The following FKBP15 variants were observed in gnomAD, a reference collection of about 807,000 sequenced individuals.
The protein encoded by FKBP15 is FKBP prolyl isomerase family member 15.
FKBP15 carries 106 observed loss-of-function variants against 158.1 expected under a neutral mutation model. The observed-to-expected ratio is 0.67, with a 90% CI of 0.57 to 0.79. FKBP15 has a LOEUF of 0.79. Among genes scored for constraint, FKBP15 ranks in the 30% least tolerant of loss-of-function variants. The pLI, the probability that FKBP15 is intolerant of heterozygous loss-of-function variation, is 0.00. For synonymous variants in FKBP15, 547 were observed against 548.6 expected, an observed-to-expected ratio of 1.00 and a Z score of 0.04; for missense variants, 1,287 against 1,479.1, an observed-to-expected ratio of 0.87 and a Z score of 2.13.
intron 1 of FKBP15, among the ~76,000 whole-genome samples, chr9:113,220,013 C>A (rs1434944779): frequency 6.6e-6 from 1 of 152,132 alleles, no homozygotes; most frequent in Non-Finnish European, 1.5e-5. Context: ...TACTTAAGGA[C>A]AAAAGAAGGC....
Position 113,182,878 on chromosome 9 carries a change from A to G in FKBP15, c.1812-10T>C, listed in dbSNP as rs760472093. ...ACTCTGCTCAACATACCTGTGAAAGAAATAGAGAAAAAGAAAACATTTATC... is the reference window on the plus strand; with the variant it reads ...ACTCTGCTCAACATACCTGTGAAAGGAATAGAGAAAAAGAAAACATTTATC... On this transcript the variant is annotated splice_polypyrimidine_tract_variant and intron_variant, in intron 18 of 27. Transcript: ENST00000238256. 4 of 1,607,770 alleles carry G rather than the reference A, an allele frequency of 2.5e-6. No individual in the cohort carries two copies. In the African/African-American group the frequency reaches 5.3e-5, roughly 21 times the overall value.
rs1036317564 is a variant in FKBP15 at position 113,163,059 on chromosome 9, A to C, written c.*3019T>G. 1.9e-5 allele frequency: 15 copies of C among 780,388 alleles called. No homozygotes were observed. The highest frequency in any genetic ancestry group is 2.9e-5 in the Non-Finnish European group (15 of 523,316). 48.3% of individuals were successfully genotyped at this position (780,388 alleles called of 1,614,324 possible). A position where few individuals can be genotyped will look rare whatever the true frequency, so the allele number is the denominator to read the frequency against. On this transcript the variant is annotated 3_prime_UTR_variant, in exon 28 of 28. Transcript: ENST00000238256. ...CTGGAAACTTTGAGCTGAAGCCAGC[A>C]CTTGCTCCCTGGAGTTCGGAAGCCA...
At chr9:113,210,672 T>C (rs1304881485) in intron 2 of FKBP15, among the ~76,000 whole-genome samples, 1 of 152,166 alleles carries the variant, frequency 6.6e-6, no homozygotes, top group East Asian at 1.9e-4. Context: ...TGTGAGGGTG[T>C]TGCCAAAGGA....
chr9:113,196,059 C>A (rs750756422), intron 9 of FKBP15, among the ~76,000 whole-genome samples: 29 of 151,948 alleles, frequency 1.9e-4, no homozygotes, highest in Non-Finnish European at 3.4e-4. Context: ...CATATGAGAC[C>A]ATACTATCCA....
chr9:113,219,147 C>T (rs930100537), intron 1 of FKBP15, among the ~76,000 whole-genome samples: 1 of 152,144 alleles, frequency 6.6e-6, no homozygotes, highest in Non-Finnish European at 1.5e-5. Context: ...CTAAAACAAA[C>T]TAACAAACAA....
At position 113,169,485 on chromosome 9, in the gene FKBP15, G is replaced by A. The variant is rs1830164498; in HGVS notation, c.3224C>T (p.Ser1075Leu). Reference protein sequence around the residue: ...SPMAAKPDNPSGKVCVREVAP... With the variant: ...SPMAAKPDNPLGKVCVREVAP... ...TACTTCCCTGACACAGACCTTTCCT[G>A]ATGGGTTGTCGGGCTTAGCTGCCAT... Residue 1075 changes from serine to leucine, a missense_variant, in exon 26 of 28, where the codon TCA becomes TTA. By Grantham distance (145) the Ser-to-Leu change is moderately radical. Transcript: ENST00000238256. The A allele has an allele frequency of 3.1e-6, 5 of 1,614,044 alleles. No individual in the cohort carries two copies. The highest frequency in any genetic ancestry group is 4.5e-5 in the East Asian group (2 of 44,882).
intron 1 of FKBP15, among the ~76,000 whole-genome samples, chr9:113,217,373 C>G (rs1157505450): frequency 6.6e-6 from 1 of 151,450 alleles, no homozygotes; most frequent in East Asian, 1.9e-4. Context: ...CCACCACACC[C>G]AGTTAATTTT....
At position 113,173,489 on chromosome 9, in the gene FKBP15, A is replaced by C. The variant is rs766970582; in HGVS notation, c.2496T>G (p.Asp832Glu). Residue 832 changes from aspartate (D) to glutamate (E), a missense_variant, in exon 23 of 28, where the codon GAT becomes GAG. Asp to Glu is a conservative substitution (Grantham distance 45). Transcript: ENST00000238256. ...QQYQEVCAQR[D>E]AYQQKLVQLQ... ...GTTGTACCAGCTTCTGCTGGTAGGC[A>C]TCTCTCTGTGCGCACACCTCCTGGT... 1.9e-6 allele frequency: 3 copies of C among 1,613,906 alleles called. No individual in the cohort carries two copies. The Admixed American group carries it at 5.0e-5, about 27-fold the overall frequency.
At chr9:113,193,015 G>C (rs535302928) in intron 11 of FKBP15, among the ~76,000 whole-genome samples, 45 of 152,192 alleles carry the variant, frequency 3.0e-4, no homozygotes, top group African/African-American at 1.1e-3. Context: ...CTGAACAAAG[G>C]CTCTGAACTC....
chr9:113,179,596 G>C (rs1830357147), intron 19 of FKBP15, among the ~76,000 whole-genome samples: 1 of 151,848 alleles, frequency 6.6e-6, no homozygotes, highest in Admixed American at 6.5e-5. Context: ...GGGAGGCAGA[G>C]GTTGCAGTGA....
At chr9:113,215,642 A>ATTTT (rs1564192881) in intron 1 of FKBP15, among the ~76,000 whole-genome samples, 10 of 82,558 alleles carry the variant, frequency 1.2e-4, no homozygotes, top group East Asian at 6.0e-4. Context: ...ATATATATAT[A>ATTTT]TATTTTTTTT....
intron 19 of FKBP15, among the ~76,000 whole-genome samples, chr9:113,182,055 C>T (rs951568369): frequency 3.1e-4 from 47 of 152,160 alleles, no homozygotes; most frequent in African/African-American, 1.1e-3. Context: ...ATCCTCATTA[C>T]AGAATATGAG....
At chr9:113,191,167 T>C (rs1305195105) in intron 11 of FKBP15, among the ~76,000 whole-genome samples, 2 of 151,204 alleles carry the variant, frequency 1.3e-5, no homozygotes, top group African/African-American at 4.8e-5. Flanking sequence ...ATAACCTCCA[T>C]TTTTATTATT....
chr9:113,179,188 C>G (rs1029308248), intron 19 of FKBP15, among the ~76,000 whole-genome samples: 8 of 152,026 alleles, frequency 5.3e-5, no homozygotes, highest in African/African-American at 1.9e-4. Context: ...AGCTACTATG[C>G]CTGTCTCTAT....
intron 21 of FKBP15, 54 bp from the exon 22 acceptor site, chr9:113,174,637 G>A: frequency 1.3e-6 from 2 of 1,538,540 alleles, no homozygotes; most frequent in Non-Finnish European, 8.8e-7. Context: ...AGAATAAAGA[G>A]GGATGATGGC....
At chr9:113,183,976 C>A in intron 17 of FKBP15, 131 bp from the exon 18 acceptor site, 1 of 678,462 alleles carries the variant, frequency 1.5e-6, no homozygotes, top group Non-Finnish European at 2.6e-6. Context: ...CTTATGTCCA[C>A]ATGTATGTTA....
chr9:113,207,251 G>T lies in FKBP15; in HGVS notation c.215C>A (p.Pro72His). 6.2e-7 allele frequency: 1 copy of T among 1,613,320 alleles called. No individual in the cohort carries two copies. Among genetic ancestry groups the T allele is most frequent in the South Asian group, 1.1e-5 (1 of 91,064 alleles). ...PKTAPATMST[P>H]TILVATAVHA... ...GACTGCTGTTGCGACCAGTATTGTG[G>T]GAGTGCTCATGGTGGCTGGTGCTGT... Residue 72 changes from proline to histidine, a missense_variant, in exon 3 of 28, where the codon CCC becomes CAC. By Grantham distance (77) the Pro-to-His change is moderately conservative. Transcript: ENST00000238256.
At chr9:113,181,149 T>G (rs183765697) in intron 19 of FKBP15, among the ~76,000 whole-genome samples, 8 of 152,296 alleles carry the variant, frequency 5.3e-5, no homozygotes, top group Admixed American at 4.6e-4. Flanking sequence ...TATAACACAG[T>G]GGGTTGTGGC....
At chr9:113,168,118 A>G (rs1198160631) in intron 27 of FKBP15, among the ~76,000 whole-genome samples, 1 of 152,194 alleles carries the variant, frequency 6.6e-6, no homozygotes, top group Non-Finnish European at 1.5e-5. Flanking sequence ...GTCCTTTCCA[A>G]TTCTAAAATA....
Sources: allele counts gnomAD v4.1 joint callset (sites outside exome capture counted in the v4.1 genomes callset), GRCh38; gene constraint gnomAD v4.1.1; transcripts MANE v1.5; gene names NCBI Gene and HGNC (gene_info 2026-07-23, HGNC 2026-07-21).